DNAJC11: variants seen among roughly 807,000 people sequenced by gnomAD.
DNAJC11 encodes DnaJ heat shock protein family (Hsp40) member C11.
A neutral mutation model predicts 78.6 loss-of-function variants in DNAJC11; 15 were observed. That is an observed-to-expected ratio of 0.19 (90% CI 0.13 to 0.29). The LOEUF is 0.29. Ranked by LOEUF, DNAJC11 falls within the 10% of genes least tolerant of loss-of-function variation. The pLI is 1.00. For synonymous variants in DNAJC11, 292 were observed against 272.1 expected, an observed-to-expected ratio of 1.07 and a Z score of -0.72; for missense variants, 547 against 709.6, an observed-to-expected ratio of 0.77 and a Z score of 2.60.
intron 4 of DNAJC11, among the ~76,000 whole-genome samples, chr1:6,663,022 T>C (rs6577588): frequency 0.34 from 51,997 of 151,970 alleles, 9,306 homozygotes; most frequent in African/African-American, 0.42. Context: ...ACTCTGGACA[T>C]ATTGGGATTA....
At chr1:6,646,127 G>A in intron 7 of DNAJC11, 149 bp from the exon 8 acceptor site, 1 of 761,076 alleles carries the variant, frequency 1.3e-6, no homozygotes. Flanking sequence ...CAGGAGGTCA[G>A]GCCTCTATCC....
intron 1 of DNAJC11, among the ~76,000 whole-genome samples, chr1:6,692,609 A>AT (rs35568963): frequency 0.38 from 48,428 of 127,278 alleles, 10,034 homozygotes; most frequent in African/African-American, 0.44. Context: ...TGCTTCAGGA[A>AT]TTTTTTTTTT....
Position 6,664,593 on chromosome 1 carries a change from A to G in DNAJC11, c.378+3116T>C, listed in dbSNP as rs182418248. Among the ~76,000 whole-genome samples, 273 of 152,332 alleles carry G rather than the reference A, an allele frequency of 1.8e-3. 1 individual carries two copies. The highest frequency in any genetic ancestry group is 6.3e-3 in the African/African-American group (260 of 41,570). ...GGTCCCACCATTCCTGACCAAGCCA[A>G]GAATTTCCTCCTCAGTGTTGAATGA... is the stretch of plus-strand genomic sequence containing the variant. On this transcript the variant is annotated intron_variant, in intron 4 of 15. Transcript: ENST00000377577.
At chr1:6,644,959 G>C in intron 9 of DNAJC11, 82 bp downstream of exon 9, 1 of 1,300,694 alleles carries the variant, frequency 7.7e-7, no homozygotes. Flanking sequence ...ACACGAGCAA[G>C]GTGTCTTACA....
In DNAJC11 at chr1:6,645,961, C is replaced by G. The variant is rs779235035; in HGVS notation, c.722G>C (p.Cys241Ser). Reference protein sequence around the residue: ...LTPRCFVTTNCALQFSSRGIR... With the variant: ...LTPRCFVTTNSALQFSSRGIR... ...TCCACGGGATGAAAACTGCAGAGCA[C>G]AGTTTGTTGTCACAAAGCTGGAGAG... Residue 241 changes from cysteine to serine, a missense_variant, in exon 8 of 16, where the codon TGT becomes TCT. Cys to Ser is a moderately radical substitution (Grantham distance 112). Transcript: ENST00000377577. The surrounding 1 kb of genome is among the most constrained non-coding windows in gnomAD (Gnocchi z 4.1). The G allele has an allele frequency of 6.2e-7, 1 of 1,614,104 alleles. No individual in the cohort carries two copies. Among genetic ancestry groups the G allele is most frequent in the East Asian group, 2.2e-5 (1 of 44,886 alleles).
rs548979382 is a variant in DNAJC11, at chr1:6,634,324, C to T, written c.*1351G>A. On this transcript the variant is annotated 3_prime_UTR_variant, in exon 16 of 16. Coordinates refer to ENST00000377577, the MANE Select transcript of DNAJC11 (RefSeq NM_018198.4). ...ACACGACGCTCACCGCGGCTCGGGC[C>T]GTGGGGCCGTCAGAGAAACCTTTTT... The T allele has an allele frequency of 1.1e-5, 11 of 1,026,908 alleles. No individual in the cohort carries two copies. Among genetic ancestry groups the T allele is most frequent in the South Asian group, 8.4e-5 (5 of 59,200 alleles). 63.6% of individuals were successfully genotyped at this position (1,026,908 alleles called of 1,614,324 possible).
intron 1 of DNAJC11, among the ~76,000 whole-genome samples, chr1:6,682,017 CA>C (rs1284699315): frequency 6.6e-6 from 1 of 151,756 alleles, no homozygotes; most frequent in African/African-American, 2.4e-5. Flanking sequence ...AGAGGGGCCC[CA>C]AAAATCTGCC....
At chr1:6,638,847 C>T (rs1641828300) in intron 11 of DNAJC11, among the ~76,000 whole-genome samples, 4 of 152,164 alleles carry the variant, frequency 2.6e-5, no homozygotes, top group Admixed American at 2.6e-4. Context: ...ACAACTAATA[C>T]CACTTTAGAC....
intron 1 of DNAJC11, 91 bp from the exon 2 acceptor site, chr1:6,681,128 C>T: frequency 7.3e-7 from 1 of 1,375,428 alleles, no homozygotes; most frequent in Non-Finnish European, 9.9e-7. Flanking sequence ...ACCCATCAGC[C>T]ACGTCCCAAT....
chr1:6,649,550 T>C (rs7549198), intron 7 of DNAJC11, among the ~76,000 whole-genome samples: 45,858 of 151,934 alleles, frequency 0.3, 7,460 homozygotes, highest in South Asian at 0.47. Context: ...CTCTCCCAAC[T>C]TCTCCTGCTC....
chr1:6,664,224 C>T (rs1284151553), intron 4 of DNAJC11, among the ~76,000 whole-genome samples: 4 of 151,662 alleles, frequency 2.6e-5, no homozygotes, highest in South Asian at 2.1e-4. Flanking sequence ...AAGAATGGTT[C>T]GAAGGCCATT....
intron 1 of DNAJC11, among the ~76,000 whole-genome samples, chr1:6,697,939 C>T (rs189416847): frequency 1.3e-5 from 2 of 152,022 alleles, no homozygotes; most frequent in Non-Finnish European, 2.9e-5. Context: ...TACAGGCGCC[C>T]GCCACCACGC....
chr1:6,642,361 T>G (rs965099242), intron 10 of DNAJC11, among the ~76,000 whole-genome samples: 1 of 152,126 alleles, frequency 6.6e-6, no homozygotes, highest in Non-Finnish European at 1.5e-5. Flanking sequence ...GCTGTGTAAC[T>G]AAGACAAAGA....
At chr1:6,663,800 C>T (rs1642255437) in intron 4 of DNAJC11, among the ~76,000 whole-genome samples, 1 of 152,188 alleles carries the variant, frequency 6.6e-6, no homozygotes, top group Non-Finnish European at 1.5e-5. Flanking sequence ...AAAGCAAAGG[C>T]AGAAAACAGG....
At chr1:6,695,422 G>A (rs1023162133) in intron 1 of DNAJC11, among the ~76,000 whole-genome samples, 5 of 151,690 alleles carry the variant, frequency 3.3e-5, no homozygotes, top group African/African-American at 4.8e-5. Context: ...ACCTAGCAAC[G>A]CACATACCAC....
At chr1:6,637,151 G>A (rs1453157075) in intron 14 of DNAJC11, 47 bp downstream of exon 14, 2 of 1,611,504 alleles carry the variant, frequency 1.2e-6, no homozygotes, top group East Asian at 4.5e-5. Flanking sequence ...CGCCCAGCCT[G>A]TTCAAATCTG....
chr1:6,667,536 G>C (rs1383097486), intron 4 of DNAJC11, among the ~76,000 whole-genome samples, 173 bp downstream of exon 4: 1 of 152,140 alleles, frequency 6.6e-6, no homozygotes, highest in African/African-American at 2.4e-5. Context: ...ATGGCTACCA[G>C]GGAGGTGTTT....
chr1:6,662,136 T>TG lies in DNAJC11; in HGVS notation c.378+5572_378+5573insC, dbSNP rs1224865402. Among the ~76,000 whole-genome samples, 74 of 140,164 alleles carry TG rather than the reference T, an allele frequency of 5.3e-4. 2 individuals carry two copies. In the South Asian group the frequency reaches 8.1e-3, roughly 15 times the overall value. 92.0% of individuals were successfully genotyped at this position (140,164 alleles called of 152,430 possible). ...CCAGTTAATTGTTTTTTGTTTTTTG[T>TG]TTTTTTTTTTTGTAGAGATAGGATT... On this transcript the variant is annotated intron_variant, in intron 4 of 15. Coordinates refer to ENST00000377577, the MANE Select transcript of DNAJC11 (RefSeq NM_018198.4).
chr1:6,634,256 T>C lies in DNAJC11; in HGVS notation c.*1419A>G. The C allele has an allele frequency of 1.1e-6, 1 of 869,946 alleles. No individual in the cohort carries two copies. Among genetic ancestry groups the C allele is most frequent in the South Asian group, 1.8e-5 (1 of 56,354 alleles). 53.9% of individuals were successfully genotyped at this position (869,946 alleles called of 1,614,324 possible). On this transcript the variant is annotated 3_prime_UTR_variant, in exon 16 of 16. Transcript: ENST00000377577. ...CAGAGGATGGGTGCCCAGAAGCACC[T>C]GCGGCAGAGGCGCACGGGAAGCCCG...
Sources: allele counts gnomAD v4.1 joint callset (sites outside exome capture counted in the v4.1 genomes callset), GRCh38; gene constraint gnomAD v4.1.1; non-coding constraint Gnocchi (gnomAD v3.1); transcripts MANE v1.5; gene names NCBI Gene and HGNC (gene_info 2026-07-23, HGNC 2026-07-21).